Variants in GALNT9 observed in about 807,000 individuals in gnomAD.
The protein encoded by GALNT9 is GalNAc transferase 9.
Under a neutral mutation model 63.1 loss-of-function variants are expected in GALNT9, and 47 were observed. That is an observed-to-expected ratio of 0.75 (90% confidence interval 0.59 to 0.95). The LOEUF (loss-of-function observed/expected upper bound fraction) is 0.95. Ranked by LOEUF, GALNT9 falls within the 40% of genes least tolerant of loss-of-function variation. GALNT9 has a pLI of 0.00. For missense variants in GALNT9, 829 were observed against 874.8 expected (o/e 0.95, Z 0.66); for synonymous variants, 396 against 365.7 (o/e 1.08, Z -0.94).
intron 9 of GALNT9, among the ~76,000 whole-genome samples, chr12:132,198,179 G>A (rs1336899306): frequency 1.3e-5 from 2 of 152,242 alleles, no homozygotes; most frequent in Non-Finnish European, 2.9e-5. Flanking sequence ...CGCAGGGCCA[G>A]GCTCCCGGCT....
intron 6 of GALNT9, among the ~76,000 whole-genome samples, chr12:132,212,245 G>C (rs1413028660): frequency 9.3e-6 from 1 of 107,314 alleles, no homozygotes; most frequent in Non-Finnish European, 1.9e-5. Flanking sequence ...ACCTCGACAC[G>C]GAAACCCCAC....
rs574347689 is a variant in GALNT9 at position 132,301,550 on chromosome 12, G to A, written c.239-15120C>T. ...GCCCCTGCCCCTCCCAATTCCACCC[G>A]GAGGTAGGGATGGCTGTGCGAACAT... is the stretch of plus-strand genomic sequence containing the variant. On this transcript the variant is annotated intron_variant, in intron 1 of 10. Transcript: ENST00000328957. Among the ~76,000 whole-genome samples, 29 of 152,358 alleles carry A rather than the reference G, an allele frequency of 1.9e-4. No individual in the cohort carries two copies. In the South Asian group the frequency reaches 2.5e-3, roughly 13 times the overall value.
rs1877029124 is a variant in GALNT9, at chr12:132,213,157, CCT to C, written c.1078-9469_1078-9468del. On this transcript the variant is annotated intron_variant, in intron 6 of 10. Transcript: ENST00000328957. The stretch of plus-strand genomic sequence containing the variant: ...CCCACCCGGGTCTGCAGCCCTCAGA[CCT>C]CGACACGGAAACCCCACCCGGGTCT... 5.4e-5 allele frequency among the ~76,000 whole-genome samples: 2 copies of C among 36,812 alleles called. 1 individual carries two copies. 24.2% of individuals were successfully genotyped at this position (36,812 alleles called of 152,430 possible).
chr12:132,205,496 G>A (rs1017484505), intron 6 of GALNT9: 6 of 151,820 alleles, frequency 4.0e-5, no homozygotes, highest in African/African-American at 1.2e-4. Flanking sequence ...GCAACCCAGA[G>A]CCTCCTCGCT....
chr12:132,277,907 G>C (rs1880167762), intron 2 of GALNT9: 1 of 152,214 alleles, frequency 6.6e-6, no homozygotes, highest in Non-Finnish European at 1.5e-5. Context: ...CTCGAGAATG[G>C]TGAGAAACTC....
intron 1 of GALNT9, among the ~76,000 whole-genome samples, chr12:132,313,095 A>C (rs1881870767): frequency 1.4e-5 from 2 of 145,000 alleles, no homozygotes; most frequent in Admixed American, 6.9e-5. Flanking sequence ...CCATCCACCC[A>C]CTCACCCATC....
chr12:132,204,146 C>A (rs1349844684), intron 6 of GALNT9, among the ~76,000 whole-genome samples: 2 of 128,014 alleles, frequency 1.6e-5, no homozygotes, highest in East Asian at 2.2e-4. Context: ...AGAACACACA[C>A]AATCAAAAGC....
At chr12:132,207,637 C>T (rs1297296449) in intron 6 of GALNT9, among the ~76,000 whole-genome samples, 5 of 152,182 alleles carry the variant, frequency 3.3e-5, no homozygotes, top group Admixed American at 6.5e-5. Context: ...GCGAGGCTCC[C>T]GGGCGGTGGG....
chr12:132,265,433 G>A lies in GALNT9; in HGVS notation c.420-2808C>T, dbSNP rs1472539744. Among the ~76,000 whole-genome samples the A allele has an allele frequency of 5.9e-5, 9 of 152,188 alleles. No individual in the cohort carries two copies. The highest frequency in any genetic ancestry group is 5.9e-4 in the Admixed American group (9 of 15,280). The stretch of plus-strand genomic sequence containing the variant: ...ATCTTCTGGCCCGGGTTTAATCTCA[G>A]AAGGGCCTGTCCTCATGTGACTTAT... On this transcript the variant is annotated intron_variant, in intron 2 of 10. Coordinates refer to ENST00000328957, the MANE Select transcript of GALNT9 (RefSeq NM_001122636.2). This position sits in a 1 kb window ranked among gnomAD's most constrained non-coding sequence, Gnocchi z 5.3.
At chr12:132,205,326 G>A (rs904255965) in intron 6 of GALNT9, 5 of 152,256 alleles carry the variant, frequency 3.3e-5, no homozygotes, top group African/African-American at 1.2e-4. Context: ...GTCCCAGGGA[G>A]AGAGAGAACC....
chr12:132,212,284 C>T (rs112486189), intron 6 of GALNT9, among the ~76,000 whole-genome samples: 3 of 13,968 alleles, frequency 2.1e-4, no homozygotes, highest in Non-Finnish European at 3.7e-4. Context: ...GACCTCGACA[C>T]GGAAACCCCA....
intron 1 of GALNT9, among the ~76,000 whole-genome samples, chr12:132,300,210 T>C (rs1391325901): frequency 1.3e-4 from 17 of 129,946 alleles, no homozygotes; most frequent in East Asian, 5.0e-4. Flanking sequence ...ACCTAACTCA[T>C]CCCTGAGATA....
chr12:132,225,286 C>CTACA (rs1292879229), intron 6 of GALNT9, among the ~76,000 whole-genome samples: 3 of 136,528 alleles, frequency 2.2e-5, no homozygotes, highest in African/African-American at 8.3e-5. Context: ...CCACCCCACA[C>CTACA]TACATACACA....
At chr12:132,300,574 C>T (rs1341168395) in intron 1 of GALNT9, among the ~76,000 whole-genome samples, 4 of 136,730 alleles carry the variant, frequency 2.9e-5, no homozygotes, top group Admixed American at 1.4e-4. Flanking sequence ...CCACACCTAA[C>T]GCACCCCTGA....
chr12:132,300,825 CCT>C (rs1293445161), intron 1 of GALNT9, among the ~76,000 whole-genome samples: 1 of 152,220 alleles, frequency 6.6e-6, no homozygotes, highest in African/African-American at 2.4e-5. Flanking sequence ...CTAACCCACC[CCT>C]GAGATAACCA....
At chr12:132,216,203 A>G (rs1877184385) in intron 6 of GALNT9, among the ~76,000 whole-genome samples, 1 of 152,222 alleles carries the variant, frequency 6.6e-6, no homozygotes, top group Non-Finnish European at 1.5e-5. Context: ...CATGAGAGAC[A>G]GACACGGAGA....
At chr12:132,226,220 C>T in intron 6 of GALNT9, among the ~76,000 whole-genome samples, 1 of 147,868 alleles carries the variant, frequency 6.8e-6, no homozygotes, top group Admixed American at 6.7e-5. Context: ...ACACAACCCA[C>T]ACATACACCC....
intron 1 of GALNT9, among the ~76,000 whole-genome samples, chr12:132,321,137 T>C (rs1593125753): frequency 6.6e-6 from 1 of 152,250 alleles, no homozygotes; most frequent in Admixed American, 6.5e-5. Flanking sequence ...CAGGAAGAAC[T>C]GCCCCACCTG....
chr12:132,208,972 T>C (rs1712824003), intron 6 of GALNT9, among the ~76,000 whole-genome samples: 1 of 152,186 alleles, frequency 6.6e-6, no homozygotes, highest in African/African-American at 2.4e-5. Context: ...TAATTATTAA[T>C]AGCACCTCTG....
Sources: gnomAD v4.1 joint callset for allele counts (sites outside exome capture counted in the v4.1 genomes callset) on GRCh38, gnomAD v4.1.1 for gene constraint, Gnocchi (gnomAD v3.1) non-coding constraint, MANE v1.5 for transcripts, NCBI Gene and HGNC (gene_info 2026-07-23, HGNC 2026-07-21) for gene names.